Variants in ZNF558 observed in about 807,000 individuals in gnomAD.
ZNF558 encodes zinc finger protein 558.
Under a neutral mutation model 37.6 loss-of-function variants are expected in ZNF558, and 23 were observed. That is an observed-to-expected ratio of 0.61 (90% CI 0.44 to 0.87). The LOEUF (loss-of-function observed/expected upper bound fraction) is 0.87, where lower values mean the gene tolerates loss of function less well. Ranked by LOEUF, ZNF558 falls within the 40% of genes least tolerant of loss-of-function variation. The pLI is 0.00. For missense variants in ZNF558, 429 were observed against 483.7 expected (o/e 0.89, Z 1.06); for synonymous variants, 189 against 174.4 (o/e 1.08, Z -0.66).
At chr19:8,823,342 C>T (rs2044143020) in intron 4 of ZNF558, among the ~76,000 whole-genome samples, 1 of 149,008 alleles carries the variant, frequency 6.7e-6, no homozygotes, top group African/African-American at 2.5e-5. Context: ...CAGTCACCTC[C>T]TCCTGCCTCG....
At chr19:8,813,542 A>G (rs1250186567) in intron 7 of ZNF558, among the ~76,000 whole-genome samples, 1 of 152,062 alleles carries the variant, frequency 6.6e-6, no homozygotes, top group African/African-American at 2.4e-5. Flanking sequence ...TATTTTTAGT[A>G]GAGACGGGGT....
At chr19:8,828,950 G>A (rs1372064710) in intron 2 of ZNF558, among the ~76,000 whole-genome samples, 1 of 146,294 alleles carries the variant, frequency 6.8e-6, no homozygotes, top group Non-Finnish European at 1.5e-5. Flanking sequence ...GTGACCAAGT[G>A]AGATTCTGTC....
chr19:8,821,436 G>T, intron 6 of ZNF558, 130 bp from the exon 7 acceptor site: 1 of 1,566,508 alleles, frequency 6.4e-7, no homozygotes, highest in Non-Finnish European at 8.6e-7. Flanking sequence ...GTGGTTCTGA[G>T]CTCACCTCCC....
upstream of ZNF558, among the ~76,000 whole-genome samples, chr19:8,836,430 C>T (rs963102867): frequency 6.6e-6 from 1 of 150,438 alleles, no homozygotes; most frequent in African/African-American, 2.5e-5. Context: ...TTCTTCTTTC[C>T]TCCTCCTCCT....
At chr19:8,814,661 C>T (rs999833086) in intron 7 of ZNF558, among the ~76,000 whole-genome samples, 4 of 152,158 alleles carry the variant, frequency 2.6e-5, no homozygotes, top group Admixed American at 6.5e-5. Context: ...AAATGAAGGT[C>T]AAGGCACAGT....
chr19:8,837,720 T>C, the ZNF558 span, among the ~76,000 whole-genome samples: 1 of 152,166 alleles, frequency 6.6e-6, no homozygotes, highest in Non-Finnish European at 1.5e-5. Context: ...TACTTTATAC[T>C]CTGATAGTCA....
chr19:8,825,909 G>C (rs1320036373), intron 2 of ZNF558, among the ~76,000 whole-genome samples: 1 of 152,202 alleles, frequency 6.6e-6, no homozygotes, highest in African/African-American at 2.4e-5. Flanking sequence ...CAAGGATCCT[G>C]ACATGGGGGA....
rs2145163986 is a variant in ZNF558, at chr19:8,809,334, T to G, written c.*1947A>C. The G allele has an allele frequency of 6.6e-6, 1 of 152,358 alleles. No individual in the cohort carries two copies. Among genetic ancestry groups the G allele is most frequent in the African/African-American group, 2.4e-5 (1 of 41,576 alleles). 9.4% of individuals were successfully genotyped at this position (152,358 alleles called of 1,614,324 possible). A position where few individuals can be genotyped will look rare whatever the true frequency, so the allele number is the denominator to read the frequency against. On this transcript the variant is annotated 3_prime_UTR_variant, in exon 10 of 10. Coordinates refer to ENST00000601372, the MANE Select transcript of ZNF558 (RefSeq NM_144693.3). The stretch of plus-strand genomic sequence containing the variant: ...GTTCCACACAGTGACTTCGACTTAC[T>G]TCTCATTGCCAGGGGAGTGCGAAAA...
chr19:8,829,359 TTCTA>T (rs1456324955), intron 2 of ZNF558, among the ~76,000 whole-genome samples: 1 of 152,190 alleles, frequency 6.6e-6, no homozygotes, highest in Non-Finnish European at 1.5e-5. Context: ...ATAAAAGCCT[TTCTA>T]TCTATCGTAG....
intron 2 of ZNF558, among the ~76,000 whole-genome samples, chr19:8,827,491 G>A (rs989350693): frequency 1.8e-4 from 27 of 151,346 alleles, no homozygotes; most frequent in Middle Eastern, 3.4e-3. Context: ...CCACTGGCCT[G>A]AGAACAGAGT....
At chr19:8,813,292 C>G in intron 7 of ZNF558, 70 bp from the exon 8 acceptor site, 2 of 1,221,324 alleles carry the variant, frequency 1.6e-6, no homozygotes, top group Non-Finnish European at 2.4e-6. Flanking sequence ...GAAAGAAAGC[C>G]AACATTTATG....
At chr19:8,819,054 C>T (rs2044014508) in intron 7 of ZNF558, among the ~76,000 whole-genome samples, 1 of 152,190 alleles carries the variant, frequency 6.6e-6, no homozygotes, top group Non-Finnish European at 1.5e-5. Context: ...ATTGTTAACA[C>T]TAGAAAATTC....
intron 2 of ZNF558, among the ~76,000 whole-genome samples, chr19:8,828,023 C>T (rs530986266): frequency 1.8e-4 from 27 of 152,284 alleles, no homozygotes; most frequent in African/African-American, 6.0e-4. Flanking sequence ...TCACTCTAGT[C>T]GAGCCCTATG....
In ZNF558 at chr19:8,812,554, G is replaced by T; in HGVS notation, c.426+7C>A. On this transcript the variant is annotated splice_region_variant and intron_variant, in intron 9 of 9. Coordinates refer to ENST00000601372, the MANE Select transcript of ZNF558 (RefSeq NM_144693.3). The stretch of plus-strand genomic sequence containing the variant: ...AGAAAACCAGAAATCACCCATGTTA[G>T]TCTTACCGTTTTTACACCTTTAGAC... 6.4e-7 allele frequency: 1 copy of T among 1,553,088 alleles called. No homozygotes were observed. The highest frequency in any genetic ancestry group is 8.6e-7 in the Non-Finnish European group (1 of 1,156,440).
At position 8,810,113 on chromosome 19, in the gene ZNF558, A is replaced by G. The variant is rs1392836665; in HGVS notation, c.*1168T>C. ...TTCTTTATATTTCAAGTTTCTCTGT[A>G]GTGTGAATGCTCACAAGTTTCCTAA... On this transcript the variant is annotated 3_prime_UTR_variant, in exon 10 of 10. Coordinates refer to ENST00000601372, the MANE Select transcript of ZNF558 (RefSeq NM_144693.3). 1 of 152,232 alleles carries G rather than the reference A, an allele frequency of 6.6e-6. No individual in the cohort carries two copies. Among genetic ancestry groups the G allele is most frequent in the African/African-American group, 2.4e-5 (1 of 41,466 alleles). 9.4% of individuals were successfully genotyped at this position (152,232 alleles called of 1,614,324 possible).
chr19:8,816,225 TCTGA>T (rs962458937), intron 7 of ZNF558, among the ~76,000 whole-genome samples: 6 of 152,096 alleles, frequency 3.9e-5, no homozygotes, highest in South Asian at 2.1e-4. Flanking sequence ...CACCAGCACG[TCTGA>T]CTAATTTTTT....
chr19:8,813,075 G>C (rs957729337), intron 8 of ZNF558, 52 bp downstream of exon 8: 5 of 1,430,822 alleles, frequency 3.5e-6, no homozygotes, highest in Non-Finnish European at 4.8e-6. Context: ...CAACCCCCAA[G>C]TCACTGGCCA....
chr19:8,837,479 A>C, the ZNF558 span, among the ~76,000 whole-genome samples: 1 of 152,234 alleles, frequency 6.6e-6, no homozygotes, highest in African/African-American at 2.4e-5. Flanking sequence ...TCCATGTTGT[A>C]ACCCACAAAG....
chr19:8,811,071 T>C lies in ZNF558; in HGVS notation c.*210A>G. 2 of 516,240 alleles carry C rather than the reference T, an allele frequency of 3.9e-6. No homozygotes were observed. The highest frequency in any genetic ancestry group is 7.3e-5 in the Admixed American group (2 of 27,212). 32.0% of individuals were successfully genotyped at this position (516,240 alleles called of 1,614,324 possible). ...TTGTAAGTAAAGGCATGAGAGATCC[T>C]GCAGTGTAACTACAGAGATAAGCTG... On this transcript the variant is annotated 3_prime_UTR_variant, in exon 10 of 10. Coordinates refer to ENST00000601372, the MANE Select transcript of ZNF558 (RefSeq NM_144693.3).
Sources: gnomAD v4.1 joint callset for allele counts (sites outside exome capture counted in the v4.1 genomes callset) on GRCh38, gnomAD v4.1.1 for gene constraint, MANE v1.5 for transcripts, NCBI Gene and HGNC (gene_info 2026-07-23, HGNC 2026-07-21) for gene names.